TNRC6B: variants seen among roughly 807,000 people sequenced by gnomAD.
TNRC6B encodes trinucleotide repeat-containing gene 6B protein.
A neutral mutation model predicts 203.6 loss-of-function variants in TNRC6B; 52 were observed. The observed-to-expected ratio is 0.26, with a 90% CI of 0.20 to 0.32. The LOEUF is 0.32. Among genes scored for constraint, TNRC6B ranks in the 10% least tolerant of loss-of-function variants. The probability of loss-of-function intolerance (pLI) is 1.00; values close to 1 mark genes in which losing one functional copy is unlikely to be tolerated. For missense variants in TNRC6B, 1,923 were observed against 2,286.2 expected, an observed-to-expected ratio of 0.84 and a Z score of 3.24; for synonymous variants, 838 against 845.7, an observed-to-expected ratio of 0.99 and a Z score of 0.16.
At chr22:40,151,675 C>T (rs2068756854) in intron 3 of TNRC6B, among the ~76,000 whole-genome samples, 1 of 151,148 alleles carries the variant, frequency 6.6e-6, no homozygotes, top group Non-Finnish European at 1.5e-5. Context: ...CGAGGAAGAG[C>T]TCTTAAAAAT....
Position 40,266,785 on chromosome 22 carries a change from G to A in TNRC6B, c.2555G>A (p.Arg852Gln), listed in dbSNP as rs201991761. ...GPPPPPPGNV[R>Q]PSNSSWSSGP... ...CCCCCACCACCTCCAGGCAACGTTC[G>A]ACCTTCCAATTCCAGCTGGAGCAGC... The change falls in exon 5 of 23, where the codon CGA becomes CAA. Residue 852 changes from arginine (R) to glutamine (Q), a missense_variant. Physicochemically the swap from Arg to Gln is conservative, Grantham distance 43 (BLOSUM62 1). This residue lies in a region of TNRC6B where 599 missense variants were observed against 656.5 expected (regional missense o/e 0.91). Transcript: ENST00000454349. 1.7e-5 allele frequency: 27 copies of A among 1,613,334 alleles called. No homozygotes were observed. Among genetic ancestry groups the A allele is most frequent in the Non-Finnish European group, 2.0e-5 (24 of 1,179,626 alleles).
At chr22:40,131,956 T>C (rs933033768) in intron 3 of TNRC6B, among the ~76,000 whole-genome samples, 2 of 152,246 alleles carry the variant, frequency 1.3e-5, no homozygotes, top group Non-Finnish European at 2.9e-5. Flanking sequence ...TTATTTAATT[T>C]TTCTGCTGTG....
intron 1 of TNRC6B, among the ~76,000 whole-genome samples, chr22:40,081,307 GTTTTTTTTTTT>G (rs34140652): frequency 0.012 from 1,177 of 101,506 alleles, 24 homozygotes; most frequent in African/African-American, 0.039. Context: ...GTGTCTGCGT[GTTTTTTTTTTT>G]TTTTTTTTTG....
At chr22:40,254,204 C>T (rs957554414) in intron 3 of TNRC6B, among the ~76,000 whole-genome samples, 5 of 152,202 alleles carry the variant, frequency 3.3e-5, no homozygotes, top group African/African-American at 4.8e-5. Flanking sequence ...TATCCTCCTT[C>T]GTTGGATTTT....
intron 4 of TNRC6B, among the ~76,000 whole-genome samples, chr22:40,264,146 G>A (rs1234614894): frequency 6.6e-6 from 1 of 152,174 alleles, no homozygotes; most frequent in Non-Finnish European, 1.5e-5. Context: ...CACAAGTTGT[G>A]GAATGTCAAG....
chr22:40,280,702 T>C (rs964046696), intron 10 of TNRC6B, among the ~76,000 whole-genome samples: 7 of 152,244 alleles, frequency 4.6e-5, no homozygotes, highest in African/African-American at 1.4e-4. Flanking sequence ...GTTCCTGATC[T>C]TCAGAAAGCA....
chr22:40,085,190 A>C (rs914685569), intron 1 of TNRC6B, among the ~76,000 whole-genome samples: 1 of 152,168 alleles, frequency 6.6e-6, no homozygotes, highest in African/African-American at 2.4e-5. Flanking sequence ...GCCTCAGACA[A>C]ACCTTCAGGT....
chr22:40,154,880 T>A (rs1280833005), intron 3 of TNRC6B, among the ~76,000 whole-genome samples: 1 of 66,148 alleles, frequency 1.5e-5, no homozygotes, highest in Non-Finnish European at 2.7e-5. Context: ...TATATATATA[T>A]ATATATATAT....
At chr22:40,221,757 C>CG (rs1468154947) in intron 1 of TNRC6B, among the ~76,000 whole-genome samples, 2 of 123,796 alleles carry the variant, frequency 1.6e-5, no homozygotes, top group African/African-American at 5.2e-5. Context: ...TATTGCCCCC[C>CG]CCCCTTTTTT....
chr22:40,296,948 T>C (rs1569059121), intron 12 of TNRC6B, among the ~76,000 whole-genome samples: 2 of 152,128 alleles, frequency 1.3e-5, no homozygotes, highest in African/African-American at 4.8e-5. Flanking sequence ...ATTTTTAAAA[T>C]GATTTCTGAA....
At chr22:40,216,930 A>G (rs186420204) in intron 1 of TNRC6B, among the ~76,000 whole-genome samples, 76 of 152,314 alleles carry the variant, frequency 5.0e-4, no homozygotes, top group Admixed American at 3.0e-3. Context: ...TTGAGTTGCC[A>G]TCAGTCCCAA....
At chr22:40,300,714 A>G in intron 13 of TNRC6B, 128 bp downstream of exon 13, 1 of 1,336,672 alleles carries the variant, frequency 7.5e-7, no homozygotes, top group Non-Finnish European at 1.0e-6. Flanking sequence ...ACTTCTTTGC[A>G]AACTATGGAG....
intron 1 of TNRC6B, among the ~76,000 whole-genome samples, chr22:40,221,534 G>A (rs1055729131): frequency 6.6e-6 from 1 of 152,126 alleles, no homozygotes; most frequent in African/African-American, 2.4e-5. Flanking sequence ...CAACCTCCCT[G>A]GCTCAAGTGG....
chr22:40,130,779 TAAAA>T (rs200268757), intron 3 of TNRC6B, among the ~76,000 whole-genome samples: 8 of 65,036 alleles, frequency 1.2e-4, no homozygotes, highest in African/African-American at 5.2e-4. Context: ...AGACTCCGTC[TAAAA>T]AAAAAAAAAA....
intron 1 of TNRC6B, among the ~76,000 whole-genome samples, chr22:40,104,685 T>C (rs1444738330): frequency 6.6e-6 from 1 of 152,060 alleles, no homozygotes; most frequent in Non-Finnish European, 1.5e-5. Flanking sequence ...TCTAACAAGG[T>C]AGAGTGGGGA....
intron 1 of TNRC6B, among the ~76,000 whole-genome samples, chr22:40,075,664 T>C: frequency 6.6e-6 from 1 of 152,162 alleles, no homozygotes; most frequent in East Asian, 1.9e-4. Flanking sequence ...TTGCTGTTTG[T>C]TTTCTATTTA....
intron 1 of TNRC6B, among the ~76,000 whole-genome samples, chr22:40,072,507 T>A (rs950770775): frequency 2.0e-5 from 3 of 152,296 alleles, no homozygotes; most frequent in Admixed American, 6.5e-5. Flanking sequence ...TTTGTCTTAA[T>A]ATGGAATCCA....
rs754637842 is a variant in TNRC6B at position 40,265,252 on chromosome 22, A to G, written c.1022A>G (p.Gln341Arg). ...NSSAQVSTVGQTSREQQSKME... is the reference protein window; with the variant it reads ...NSSAQVSTVGRTSREQQSKME... ...AGTGCACAGGTTAGCACAGTAGGTC[A>G]GACATCCAGGGAACAGCAGTCAAAG... is the stretch of plus-strand genomic sequence containing the variant. Residue 341 changes from glutamine to arginine, a missense_variant, in exon 5 of 23, where the codon CAG (glutamine) becomes CGG (arginine). This residue lies in a region of TNRC6B where 614 missense variants were observed against 587.7 expected (regional missense o/e 1.04). Transcript: ENST00000454349. The G allele has an allele frequency of 6.2e-7, 1 of 1,614,080 alleles. No homozygotes were observed. The highest frequency in any genetic ancestry group is 2.2e-5 in the East Asian group (1 of 44,896).
At chr22:40,201,600 T>C in intron 1 of TNRC6B, among the ~76,000 whole-genome samples, 1 of 151,794 alleles carries the variant, frequency 6.6e-6, no homozygotes, top group East Asian at 1.9e-4. Flanking sequence ...TACACCTGGC[T>C]AATTTTTTAT....
Sources: gnomAD v4.1 joint callset for allele counts (sites outside exome capture counted in the v4.1 genomes callset) on GRCh38, gnomAD v4.1.1 for gene constraint, gnomAD v4.1.1 regional missense constraint, MANE v1.5 for transcripts, NCBI Gene and HGNC (gene_info 2026-07-23, HGNC 2026-07-21) for gene names.